The following SERPINA3 variants were observed in gnomAD, a reference collection of about 807,000 sequenced individuals.
SERPINA3 encodes serpin family A member 3, also known as alpha-1-antichymotrypsin.
A neutral mutation model predicts 26.8 loss-of-function variants in SERPINA3; 32 were observed. The observed-to-expected ratio is 1.20, with a 90% CI of 0.90 to 1.61. The LOEUF (loss-of-function observed/expected upper bound fraction) is 1.61, where lower values mean the gene tolerates loss of function less well. Ranked by LOEUF, SERPINA3 falls within the 40% of genes most tolerant of loss-of-function variation. The pLI is 0.00. For missense variants in SERPINA3, 632 were observed against 517.9 expected (o/e 1.22, Z -2.14); for synonymous variants, 252 against 206.4 (o/e 1.22, Z -1.89).
chr14:94,619,829 A>C, intron 3 of SERPINA3: 2 of 373,374 alleles, frequency 5.4e-6, no homozygotes, highest in Non-Finnish European at 1.0e-5. Flanking sequence ...ATGGACTCTG[A>C]GAATCAGTTC....
At chr14:94,615,403 G>A (rs1885956417) in intron 2 of SERPINA3, 4 of 490,430 alleles carry the variant, frequency 8.2e-6, no homozygotes, top group African/African-American at 3.9e-5. Context: ...CCACTCCAGG[G>A]CGCGTAGGAG....
chr14:94,614,420 G>T lies in SERPINA3; in HGVS notation c.-8-14G>T. 6.2e-7 allele frequency: 1 copy of T among 1,611,308 alleles called. No homozygotes were observed. Among genetic ancestry groups the T allele is most frequent in the Non-Finnish European group, 8.5e-7 (1 of 1,179,918 alleles). On this transcript the variant is annotated splice_polypyrimidine_tract_variant and intron_variant, in intron 1 of 4. Coordinates refer to ENST00000393078, the MANE Select transcript of SERPINA3 (RefSeq NM_001085.5). ...ATCTGGCCCTCTGAGACTTAAAGGAGCTTTGCTTTTCAGAGTTGAGAATGG... is the reference window on the plus strand; with the variant it reads ...ATCTGGCCCTCTGAGACTTAAAGGATCTTTGCTTTTCAGAGTTGAGAATGG...
chr14:94,623,488 A>G, intron 4 of SERPINA3, 123 bp from the exon 5 acceptor site: 1 of 890,458 alleles, frequency 1.1e-6, no homozygotes, highest in Non-Finnish European at 1.8e-6. Flanking sequence ...AACATTCAAC[A>G]GCACAAAGAC....
intron 2 of SERPINA3, among the ~76,000 whole-genome samples, chr14:94,616,792 G>C (rs968509897): frequency 2.6e-5 from 4 of 152,180 alleles, no homozygotes; most frequent in Admixed American, 6.5e-5. Flanking sequence ...GTCAAGCAGA[G>C]ATCAGATACT....
chr14:94,617,414 A>G (rs1247877773), intron 2 of SERPINA3, among the ~76,000 whole-genome samples: 1 of 152,184 alleles, frequency 6.6e-6, no homozygotes, highest in Non-Finnish European at 1.5e-5. Context: ...AGGGCACAAG[A>G]GAATGTAGGG....
chr14:94,619,532 G>T (rs1886127235), intron 3 of SERPINA3, 64 bp downstream of exon 3: 15 of 1,595,688 alleles, frequency 9.4e-6, no homozygotes, highest in African/African-American at 2.7e-5. Context: ...CAATGTCCAG[G>T]GACAAGGGCA....
chr14:94,619,242 T>C lies in SERPINA3; in HGVS notation c.691T>C (p.Phe231Leu). ...CCCCCAAGATACTCATCAGTCAAGG[T>C]TCTACTTGAGCAAGAAAAAGTGGGT... ...FDPQDTHQSR[F>L]YLSKKKWVMV... Residue 231 changes from phenylalanine (F) to leucine (L), a missense_variant, in exon 3 of 5, where the codon TTC becomes CTC. Transcript: ENST00000393078. The C allele has an allele frequency of 1.2e-6, 2 of 1,613,402 alleles. No individual in the cohort carries two copies. The highest frequency in any genetic ancestry group is 2.2e-5 in the South Asian group (2 of 91,056).
rs563509732 is a variant in SERPINA3, at chr14:94,623,981, T to C, written c.*167T>C. The C allele has an allele frequency of 1.1e-5, 8 of 695,788 alleles. No individual in the cohort carries two copies. The highest frequency in any genetic ancestry group is 1.1e-4 in the South Asian group (7 of 64,008). 43.1% of individuals were successfully genotyped at this position (695,788 alleles called of 1,614,324 possible). ...AGCGATTCCCTGTGTAGCTCTCACATGCACAGGGGCCCATGGACTCTTCAG... is the reference window on the plus strand; with the variant it reads ...AGCGATTCCCTGTGTAGCTCTCACACGCACAGGGGCCCATGGACTCTTCAG... On this transcript the variant is annotated 3_prime_UTR_variant, in exon 5 of 5. Transcript: ENST00000393078.
chr14:94,623,437 G>A lies in SERPINA3; in HGVS notation c.1069-174G>A, dbSNP rs1032015551. On this transcript the variant is annotated intron_variant, in intron 4 of 4. Coordinates refer to ENST00000393078, the MANE Select transcript of SERPINA3 (RefSeq NM_001085.5). ...TCTCCATTTGCACATCTAGGCATCA[G>A]GACTGTGCAAAACTAGTTGGCAGGG... is the stretch of plus-strand genomic sequence containing the variant. Among the ~76,000 whole-genome samples, 4 of 152,144 alleles carry A rather than the reference G, an allele frequency of 2.6e-5. No individual in the cohort carries two copies. The East Asian group carries it at 5.8e-4, about 22-fold the overall frequency.
At chr14:94,619,655 C>A (rs186606429) in intron 3 of SERPINA3, 187 bp downstream of exon 3, 1 of 684,468 alleles carries the variant, frequency 1.5e-6, no homozygotes, top group South Asian at 1.7e-5. Context: ...ACAATGACAT[C>A]AGACAGGACA....
At chr14:94,615,847 C>A (rs1010579911) in intron 2 of SERPINA3, among the ~76,000 whole-genome samples, 2 of 152,134 alleles carry the variant, frequency 1.3e-5, no homozygotes, top group African/African-American at 2.4e-5. Context: ...AGAGTGCAAG[C>A]CGGTAGCTTT....
chr14:94,621,191 G>T (rs535667561), intron 3 of SERPINA3, among the ~76,000 whole-genome samples: 1 of 152,090 alleles, frequency 6.6e-6, no homozygotes, highest in Non-Finnish European at 1.5e-5. Context: ...ACCCCAGAAC[G>T]TGGGGGTCCT....
chr14:94,623,476 C>A lies in SERPINA3; in HGVS notation c.1069-135C>A, dbSNP rs115478078. The A allele has an allele frequency of 4.6e-4, 378 of 825,312 alleles. 2 individuals carry two copies. In the African/African-American group the frequency reaches 5.5e-3, roughly 12 times the overall value. The allele number at this position is 825,312 out of a possible 1,614,324, so 51.1% of individuals were successfully genotyped here. A position where few individuals can be genotyped will look rare whatever the true frequency, so the allele number is the denominator to read the frequency against. ...TAGTTGGCAGGGGAGTTGGGAGGAG[C>A]AAACATTCAACAGCACAAAGACAGG... On this transcript the variant is annotated intron_variant, in intron 4 of 4. Coordinates refer to ENST00000393078, the MANE Select transcript of SERPINA3 (RefSeq NM_001085.5).
At chr14:94,615,555 GGCT>G (rs1367088513) in intron 2 of SERPINA3, 1 of 415,042 alleles carries the variant, frequency 2.4e-6, no homozygotes, top group Admixed American at 2.8e-5. Flanking sequence ...GGCCAGGTGG[GGCT>G]GGGGCCATCT....
chr14:94,622,772 GCAAA>G (rs1198332131), intron 4 of SERPINA3: 8 of 479,182 alleles, frequency 1.7e-5, no homozygotes, highest in Non-Finnish European at 2.7e-5. Context: ...ATCCATGGGG[GCAAA>G]CAATTAAAGT....
chr14:94,622,695 C>A, intron 4 of SERPINA3: 1 of 634,120 alleles, frequency 1.6e-6, no homozygotes, highest in Non-Finnish European at 2.8e-6. Context: ...TGAGCCTCTA[C>A]AACATAATGT....
chr14:94,614,384 G>C, intron 1 of SERPINA3, 50 bp from the exon 2 acceptor site: 1 of 1,581,376 alleles, frequency 6.3e-7, no homozygotes. Context: ...GTGGGAGGTG[G>C]TCGGGGCTCC....
intron 3 of SERPINA3, chr14:94,619,971 C>T (rs941092247): frequency 1.5e-5 from 3 of 197,020 alleles, no homozygotes; most frequent in Non-Finnish European, 3.1e-5. Context: ...GATTCCCTGC[C>T]CTCCTGGAGC....
chr14:94,613,499 T>G (rs1373325444), intron 1 of SERPINA3: 1 of 152,242 alleles, frequency 6.6e-6, no homozygotes, highest in Non-Finnish European at 1.5e-5. Flanking sequence ...TGGTGACTGC[T>G]CGGTACGTCT....
Sources: gnomAD v4.1 joint callset for allele counts (sites outside exome capture counted in the v4.1 genomes callset) on GRCh38, gnomAD v4.1.1 for gene constraint, MANE v1.5 for transcripts, NCBI Gene and HGNC (gene_info 2026-07-23, HGNC 2026-07-21) for gene names.